Variants in TRAF3IP3 observed in about 807,000 individuals in gnomAD.
TRAF3IP3 encodes the protein TRAF3 interacting protein 3.
TRAF3IP3 carries 64 observed loss-of-function variants against 86.5 expected under a neutral mutation model. The observed-to-expected ratio is 0.74, with a 90% CI of 0.60 to 0.91. TRAF3IP3 has a LOEUF of 0.91. Ranked by LOEUF, TRAF3IP3 falls within the 40% of genes least tolerant of loss-of-function variation. The pLI is 0.00. For synonymous variants in TRAF3IP3, 220 were observed against 243.9 expected (o/e 0.90, Z 0.91); for missense variants, 579 against 642.9 (o/e 0.90, Z 1.07).
chr1:209,759,540 T>C (rs2077208756), intron 2 of TRAF3IP3, among the ~76,000 whole-genome samples: 1 of 152,202 alleles, frequency 6.6e-6, no homozygotes, highest in African/African-American at 2.4e-5. Flanking sequence ...GATACTGACT[T>C]TCCTTTTCAA....
In TRAF3IP3 at chr1:209,762,862, G is replaced by A. The variant is rs1018778829; in HGVS notation, c.543G>A (p.Gln181=). 6.2e-7 allele frequency: 1 copy of A among 1,614,050 alleles called. No homozygotes were observed. Among genetic ancestry groups the A allele is most frequent in the African/African-American group, 1.3e-5 (1 of 74,896 alleles). The part of the protein sequence containing the change: ...EGPTIKNDAS[Q]QTNYGVAVLD... ...CAACAATTAAGAACGATGCCAGTCAGCAAACCAAGTGAGTTCCTGACCCTA... is the reference window on the plus strand; with the variant it reads ...CAACAATTAAGAACGATGCCAGTCAACAAACCAAGTGAGTTCCTGACCCTA... The change falls in exon 5 of 17, where the codon CAG becomes CAA. Residue 181 remains glutamine (Q), a synonymous_variant. Coordinates refer to ENST00000367025, the MANE Select transcript of TRAF3IP3 (RefSeq NM_025228.4).
At chr1:209,763,914 C>G (rs940613908) in intron 8 of TRAF3IP3, among the ~76,000 whole-genome samples, 2 of 152,170 alleles carry the variant, frequency 1.3e-5, no homozygotes, top group Non-Finnish European at 2.9e-5. Flanking sequence ...TGCTAAATGT[C>G]AAATATTTTC....
At chr1:209,758,454 C>T (rs1007693) in intron 1 of TRAF3IP3, 54,199 of 152,024 alleles carry the variant, frequency 0.36, 12,816 homozygotes, top group African/African-American at 0.68. Context: ...ACCCATGACC[C>T]TGGGGAATGA....
intron 8 of TRAF3IP3, among the ~76,000 whole-genome samples, chr1:209,771,020 A>ATG (rs144661554): frequency 2.6e-4 from 24 of 91,994 alleles, no homozygotes; most frequent in Admixed American, 1.0e-3. Context: ...GTGCATGTGG[A>ATG]TGTGTGTGTG....
intron 12 of TRAF3IP3, chr1:209,777,854 G>A (rs1214619579): frequency 1.8e-6 from 1 of 547,726 alleles, no homozygotes; most frequent in African/African-American, 1.9e-5. Context: ...CACATCCTCT[G>A]TGTCCGCTGA....
In TRAF3IP3 at chr1:209,773,505, C is replaced by T. The variant is rs572837185; in HGVS notation, c.774+486C>T. Among the ~76,000 whole-genome samples, 3 of 152,324 alleles carry T rather than the reference C, an allele frequency of 2.0e-5. No homozygotes were observed. In the East Asian group the frequency reaches 5.8e-4, roughly 29 times the overall value. On this transcript the variant is annotated intron_variant, in intron 9 of 16. Coordinates refer to ENST00000367025, the MANE Select transcript of TRAF3IP3 (RefSeq NM_025228.4). ...TCTTTTACTTGGCTCTTCTGTAACA[C>T]CATTTTCCAGCATTAGTAATCTCTT...
At position 209,760,368 on chromosome 1, in the gene TRAF3IP3, C is replaced by A. The variant is rs1321800983; in HGVS notation, c.329C>A (p.Ser110Tyr). ...KEPLSCARRI[S>Y]SPREQVTGTS... ...CCCTTGTCTTGTGCCAGAAGGATTTCTTCTCCCAGAGAGCAGGTGGGCCGT... is the reference window on the plus strand; with the variant it reads ...CCCTTGTCTTGTGCCAGAAGGATTTATTCTCCCAGAGAGCAGGTGGGCCGT... The change falls in exon 3 of 17, where the codon TCT (serine) becomes TAT (tyrosine). Residue 110 changes from serine to tyrosine, a missense_variant. Ser to Tyr is a moderately radical substitution (Grantham distance 144). Transcript: ENST00000367025. The A allele has an allele frequency of 1.2e-6, 2 of 1,600,478 alleles. No homozygotes were observed. Among genetic ancestry groups the A allele is most frequent in the Non-Finnish European group, 1.7e-6 (2 of 1,173,546 alleles).
rs649275 is a variant in TRAF3IP3, at chr1:209,777,336, T to C, written c.1054-16T>C. The C allele has an allele frequency of 0.62, 1,004,170 of 1,607,182 alleles. 314,842 individuals carry two copies. Among genetic ancestry groups the C allele is most frequent in the Admixed American group, 0.69 (41,306 of 59,710 alleles). ...CACTGACCTCCTTCTATATTGGCCC[T>C]TCCTCCTCCTTACAGGGAGCAGATA... On this transcript the variant is annotated splice_polypyrimidine_tract_variant and intron_variant, in intron 11 of 16. Coordinates refer to ENST00000367025, the MANE Select transcript of TRAF3IP3 (RefSeq NM_025228.4).
At chr1:209,763,425 T>C in intron 7 of TRAF3IP3, 33 bp downstream of exon 7, 1 of 1,613,456 alleles carries the variant, frequency 6.2e-7, no homozygotes, top group African/African-American at 1.3e-5. Flanking sequence ...CCTCAGTTCC[T>C]CCATCCACTT....
At chr1:209,778,058 A>G in intron 12 of TRAF3IP3, 53 bp from the exon 13 acceptor site, 1 of 1,461,022 alleles carries the variant, frequency 6.8e-7, no homozygotes, top group Non-Finnish European at 9.6e-7. Flanking sequence ...CTAAGTACTG[A>G]GTTCATTAAG....
intron 8 of TRAF3IP3, among the ~76,000 whole-genome samples, chr1:209,767,902 G>A (rs2077388273): frequency 6.6e-6 from 1 of 152,092 alleles, no homozygotes; most frequent in Admixed American, 6.5e-5. Flanking sequence ...CAGCCCAAGA[G>A]CAGAAGTTCC....
In TRAF3IP3 at chr1:209,762,565, AG is replaced by A; in HGVS notation, c.398del (p.Gly133AlafsTer79). 1 of 1,483,496 alleles carries A rather than the reference AG, an allele frequency of 6.7e-7. No individual in the cohort carries two copies. Among genetic ancestry groups the A allele is most frequent in the Non-Finnish European group, 9.0e-7 (1 of 1,117,202 alleles). 91.9% of individuals were successfully genotyped at this position (1,483,496 alleles called of 1,614,324 possible). A position where few individuals can be genotyped will look rare whatever the true frequency, so the allele number is the denominator to read the frequency against. On this transcript the variant is annotated frameshift_variant, in exon 4 of 17. Transcript: ENST00000367025. LOFTEE classifies it high-confidence loss of function. ...TTCCAGCCCAGCATCCTCCTCCCTC[AG>A]GCATCTGCAGGGATCTGTCTGACCA... ...VFPAQHPPPS[G>X]ICRDLSDHLS... is the part of the protein sequence containing the mutation.
intron 3 of TRAF3IP3, among the ~76,000 whole-genome samples, 172 bp downstream of exon 3, chr1:209,760,556 C>G (rs2077228799): frequency 6.6e-6 from 1 of 152,212 alleles, no homozygotes. Flanking sequence ...GCTACTTATT[C>G]AGAGATTTTT....
intron 14 of TRAF3IP3, chr1:209,779,796 TA>T (rs1344413989): frequency 4.7e-6 from 2 of 428,790 alleles, no homozygotes; most frequent in Non-Finnish European, 8.4e-6. Flanking sequence ...TCACTGTGTA[TA>T]CAGAGGGGCA....
At chr1:209,779,153 T>C in intron 13 of TRAF3IP3, 162 bp from the exon 14 acceptor site, 1 of 614,160 alleles carries the variant, frequency 1.6e-6, no homozygotes, top group Non-Finnish European at 2.9e-6. Flanking sequence ...TTATTTAAGG[T>C]ACTGAGGGTT....
At chr1:209,768,631 C>T (rs1447826193) in intron 8 of TRAF3IP3, 10 of 985,828 alleles carry the variant, frequency 1.0e-5, no homozygotes, top group Non-Finnish European at 9.6e-6. Context: ...CACGCAGAAG[C>T]AGGAGCTGAA....
chr1:209,760,404 A>G lies in TRAF3IP3; in HGVS notation c.345+20A>G. On this transcript the variant is annotated intron_variant, in intron 3 of 16. Coordinates refer to ENST00000367025, the MANE Select transcript of TRAF3IP3 (RefSeq NM_025228.4). Reference sequence around the variant, plus strand: ...GAGCAGGTGGGCCGTGTCAAGGGACATACTGCTGTGTGCTCTGGGACCCTC... The same window carrying G: ...GAGCAGGTGGGCCGTGTCAAGGGACGTACTGCTGTGTGCTCTGGGACCCTC... 1 of 1,551,102 alleles carries G rather than the reference A, an allele frequency of 6.4e-7. No homozygotes were observed. The highest frequency in any genetic ancestry group is 8.7e-7 in the Non-Finnish European group (1 of 1,145,440).
intron 12 of TRAF3IP3, chr1:209,777,819 C>T: frequency 5.7e-6 from 3 of 527,290 alleles, no homozygotes; most frequent in Non-Finnish European, 1.0e-5. Flanking sequence ...AGTTGAAACA[C>T]AAGGCATAGA....
chr1:209,766,944 G>T (rs1396975095), intron 8 of TRAF3IP3, among the ~76,000 whole-genome samples: 4 of 152,204 alleles, frequency 2.6e-5, no homozygotes, highest in Non-Finnish European at 4.4e-5. Context: ...AGAAGCAAGA[G>T]TGATGATGAG....
Sources: gnomAD v4.1 joint callset for allele counts (sites outside exome capture counted in the v4.1 genomes callset) on GRCh38, gnomAD v4.1.1 for gene constraint, MANE v1.5 for transcripts, NCBI Gene and HGNC (gene_info 2026-07-23, HGNC 2026-07-21) for gene names.